SLC67A1: variants seen among roughly 807,000 people sequenced by gnomAD.
SLC67A1 encodes the protein solute carrier family 67 member A1.
the SLC67A1 span, chr11:2,909,284 A>T: frequency 6.5e-7 from 1 of 1,534,580 alleles, no homozygotes; most frequent in Non-Finnish European, 8.7e-7. Context: ...GGCCGCCTCC[A>T]GCCCGGCCCT....
chr11:2,909,097 T>C, the SLC67A1 span: 1 of 1,207,184 alleles, frequency 8.3e-7, no homozygotes, highest in Non-Finnish European at 1.1e-6. Flanking sequence ...CATCCCGCAC[T>C]CCAGCCTCCC....
the SLC67A1 span, chr11:2,899,715 G>C: frequency 1.4e-3 from 1,971 of 1,457,040 alleles, 5 homozygotes; most frequent in Admixed American, 1.8e-3. Context: ...CACTGAGCCT[G>C]TTCATGACAA....
At chr11:2,907,605 A>G in the SLC67A1 span, among the ~76,000 whole-genome samples, 3 of 152,152 alleles carry the variant, frequency 2.0e-5, no homozygotes, top group Admixed American at 6.5e-5. The surrounding 1 kb of genome is among the most constrained non-coding windows in gnomAD (Gnocchi z 6.7). Context: ...GTTAAGACAT[A>G]TGAATTTGGG....
the SLC67A1 span, chr11:2,902,129 C>G: frequency 1.3e-5 from 2 of 151,878 alleles, no homozygotes; most frequent in Non-Finnish European, 2.9e-5. Context: ...GCGGGTCCTT[C>G]GAGGGGAGGG....
chr11:2,919,594 C>T, the SLC67A1 span: 27 of 586,208 alleles, frequency 4.6e-5, no homozygotes, highest in South Asian at 2.8e-4. Context: ...GTGGTGGGCA[C>T]GCTGTGAGGA....
the SLC67A1 span, among the ~76,000 whole-genome samples, chr11:2,912,349 G>GGCCA: frequency 2.6e-5 from 4 of 152,356 alleles, no homozygotes; most frequent in African/African-American, 7.2e-5. Flanking sequence ...CCATGGCAAG[G>GGCCA]GCCAGCCCCC....
At chr11:2,917,505 G>A in the SLC67A1 span, among the ~76,000 whole-genome samples, 9 of 152,348 alleles carry the variant, frequency 5.9e-5, no homozygotes, top group South Asian at 2.1e-4. Flanking sequence ...CTGTGGCTTC[G>A]CACTCAGAGG....
At chr11:2,915,773 C>A in the SLC67A1 span, among the ~76,000 whole-genome samples, 1 of 152,228 alleles carries the variant, frequency 6.6e-6, no homozygotes, top group Non-Finnish European at 1.5e-5. Context: ...CAGTAGGAAG[C>A]CCCAACTTCC....
chr11:2,905,877 A>T, the SLC67A1 span, among the ~76,000 whole-genome samples: 5 of 152,166 alleles, frequency 3.3e-5, no homozygotes, highest in African/African-American at 1.2e-4. Flanking sequence ...GGGAGAGAGG[A>T]GCACTGGGAG....
At chr11:2,925,201 C>T in the SLC67A1 span, 7 of 1,611,690 alleles carry the variant, frequency 4.3e-6, no homozygotes, top group South Asian at 7.7e-5. The surrounding 1 kb of genome is among the most constrained non-coding windows in gnomAD (Gnocchi z 6.5). Context: ...CCGGTGACCG[C>T]TGCCCAGACA....
the SLC67A1 span, chr11:2,909,464 G>C: frequency 1.4e-6 from 2 of 1,439,006 alleles, no homozygotes; most frequent in African/African-American, 1.5e-5. Flanking sequence ...CTGGCCCTAA[G>C]GGCTGGACGG....
chr11:2,905,714 A>G, the SLC67A1 span, among the ~76,000 whole-genome samples: 2 of 152,182 alleles, frequency 1.3e-5, no homozygotes, highest in African/African-American at 4.8e-5. Flanking sequence ...AGATGGAAAG[A>G]GAGGAGGCTG....
chr11:2,909,655 G>A, the SLC67A1 span: 7 of 1,537,952 alleles, frequency 4.6e-6, no homozygotes, highest in East Asian at 2.5e-5. Flanking sequence ...CCTCTGCTTC[G>A]GCGTCGGAGT....
chr11:2,908,057 C>T, the SLC67A1 span, among the ~76,000 whole-genome samples: 3 of 152,130 alleles, frequency 2.0e-5, no homozygotes, highest in Non-Finnish European at 4.4e-5. Context: ...AACAGGCTTC[C>T]GCCTAGGAGA....
the SLC67A1 span, among the ~76,000 whole-genome samples, chr11:2,900,692 CAAAAAAAAAA>C: frequency 6.7e-5 from 4 of 59,640 alleles, no homozygotes; most frequent in Admixed American, 2.2e-4. Context: ...GACTCCGTCT[CAAAAAAAAAA>C]AAAAAAAAAA....
the SLC67A1 span, chr11:2,922,287 C>T: frequency 6.6e-7 from 1 of 1,507,710 alleles, no homozygotes. Context: ...TGCTTAAGCC[C>T]TTGGGGACTC....
the SLC67A1 span, among the ~76,000 whole-genome samples, chr11:2,908,793 C>G: frequency 6.6e-6 from 1 of 152,206 alleles, no homozygotes; most frequent in Non-Finnish European, 1.5e-5. Flanking sequence ...GTTCCGCAGG[C>G]AGCAGACCAG....
the SLC67A1 span, among the ~76,000 whole-genome samples, chr11:2,913,613 C>G: frequency 6.6e-6 from 1 of 152,196 alleles, no homozygotes; most frequent in South Asian, 2.1e-4. Context: ...CTGCAGCATC[C>G]TGGAGCACGG....
At chr11:2,918,230 G>A in the SLC67A1 span, 1 of 677,328 alleles carries the variant, frequency 1.5e-6, no homozygotes, top group South Asian at 1.9e-5. Context: ...GCGGGAGGAA[G>A]GCAGAAAAGT....
Sources: allele counts gnomAD v4.1 joint callset (sites outside exome capture counted in the v4.1 genomes callset), GRCh38; gene constraint gnomAD v4.1.1; non-coding constraint Gnocchi (gnomAD v3.1); transcripts MANE v1.5; gene names NCBI Gene and HGNC (gene_info 2026-07-23, HGNC 2026-07-21).